ASTN2: variants seen among roughly 807,000 people sequenced by gnomAD.
ASTN2 encodes the protein astrotactin-2.
A neutral mutation model predicts 139.8 loss-of-function variants in ASTN2; 54 were observed. The observed-to-expected ratio is 0.39, with a 90% CI of 0.31 to 0.48. The LOEUF is 0.48. Among genes scored for constraint, ASTN2 ranks in the 20% least tolerant of loss-of-function variants. The pLI is 0.95. For synonymous variants in ASTN2, 756 were observed against 719.5 expected (o/e 1.05, Z -0.81); for missense variants, 1,565 against 1,725.1 (o/e 0.91, Z 1.64).
At chr9:117,394,210 T>C (rs911679913) in intron 1 of ASTN2, among the ~76,000 whole-genome samples, 7 of 151,838 alleles carry the variant, frequency 4.6e-5, no homozygotes, top group African/African-American at 1.7e-4. Flanking sequence ...AAGGCAAGAG[T>C]CCTTCCATCC....
At chr9:117,047,896 C>T (rs1293934377) in intron 5 of ASTN2, among the ~76,000 whole-genome samples, 3 of 152,058 alleles carry the variant, frequency 2.0e-5, no homozygotes, top group Non-Finnish European at 4.4e-5. Flanking sequence ...AGTAACATAG[C>T]CACTAACTTA....
intron 6 of ASTN2, among the ~76,000 whole-genome samples, chr9:117,021,383 G>A (rs1303518379): frequency 6.6e-6 from 1 of 152,116 alleles, no homozygotes; most frequent in Non-Finnish European, 1.5e-5. Flanking sequence ...ATCTGGAAGA[G>A]CACAGCTAAA....
At chr9:116,471,457 C>T (rs1349848196) in intron 20 of ASTN2, among the ~76,000 whole-genome samples, 2 of 152,192 alleles carry the variant, frequency 1.3e-5, no homozygotes, top group Non-Finnish European at 2.9e-5. Flanking sequence ...AGGCTGGCCT[C>T]ACACATGCTA....
intron 16 of ASTN2, among the ~76,000 whole-genome samples, chr9:116,694,252 AT>A (rs1860719665): frequency 6.6e-6 from 1 of 152,110 alleles, no homozygotes. Flanking sequence ...ATTTGCTGCT[AT>A]TTTTACAAGT....
intron 21 of ASTN2, among the ~76,000 whole-genome samples, chr9:116,441,888 T>C (rs1847850168): frequency 6.6e-6 from 1 of 152,218 alleles, no homozygotes; most frequent in Non-Finnish European, 1.5e-5. Context: ...TTGCCTGCTG[T>C]TTATGTCATG....
chr9:117,019,170 GAA>G, intron 6 of ASTN2, among the ~76,000 whole-genome samples: 1 of 151,730 alleles, frequency 6.6e-6, no homozygotes, highest in Non-Finnish European at 1.5e-5. Flanking sequence ...ATACCATGTT[GAA>G]AGAGAGGGAG....
chr9:116,452,360 A>T (rs1273164200), intron 20 of ASTN2, among the ~76,000 whole-genome samples: 1 of 152,202 alleles, frequency 6.6e-6, no homozygotes, highest in East Asian at 1.9e-4. Context: ...AGAGGATATG[A>T]TGTGTAGGTT....
intron 2 of ASTN2, among the ~76,000 whole-genome samples, chr9:117,229,856 T>C (rs1453856060): frequency 6.6e-6 from 1 of 152,026 alleles, no homozygotes; most frequent in African/African-American, 2.4e-5. Context: ...AAAGTCTTTA[T>C]TTCTGGCCAG....
rs1564279902 is a variant in ASTN2, at chr9:116,442,448, C to G, written c.3598+5G>C. On this transcript the variant is annotated splice_donor_5th_base_variant and intron_variant, in intron 21 of 22. Coordinates refer to ENST00000313400, the MANE Select transcript of ASTN2 (RefSeq NM_001365068.1). ...ACTTTGGAGTTGAAAAACTGGGTTA[C>G]CTACCTTCTGCCTTGTTGTCATCTA... 6.2e-7 allele frequency: 1 copy of G among 1,613,628 alleles called. No individual in the cohort carries two copies. Among genetic ancestry groups the G allele is most frequent in the Non-Finnish European group, 8.5e-7 (1 of 1,179,710 alleles).
At chr9:116,989,111 C>T (rs1159914504) in intron 7 of ASTN2, among the ~76,000 whole-genome samples, 1 of 152,172 alleles carries the variant, frequency 6.6e-6, no homozygotes, top group Non-Finnish European at 1.5e-5. Flanking sequence ...AAGGGTTCTT[C>T]ACTCCACAGA....
In ASTN2 at chr9:116,603,268, A is replaced by G. The variant is rs377607058; in HGVS notation, c.3355+15056T>C. 1.9e-4 allele frequency among the ~76,000 whole-genome samples: 29 copies of G among 152,326 alleles called. No individual in the cohort carries two copies. In the East Asian group the frequency reaches 3.5e-3, roughly 18 times the overall value. ...AAAAAGGAATGCTACCAAGCAAGAG[A>G]AAGTCCTAATGAGTTAAAAGGCACG... On this transcript the variant is annotated intron_variant, in intron 19 of 22. Coordinates refer to ENST00000313400, the MANE Select transcript of ASTN2 (RefSeq NM_001365068.1).
intron 19 of ASTN2, among the ~76,000 whole-genome samples, chr9:116,534,296 T>A (rs916902916): frequency 4.6e-5 from 7 of 152,176 alleles, no homozygotes; most frequent in Non-Finnish European, 2.9e-5. Flanking sequence ...ATTTTGTTGA[T>A]CTTTTCAAAA....
chr9:116,503,227 G>A (rs1849964503), intron 19 of ASTN2, among the ~76,000 whole-genome samples: 1 of 152,040 alleles, frequency 6.6e-6, no homozygotes, highest in Non-Finnish European at 1.5e-5. Flanking sequence ...CCAGCTAGAA[G>A]GGCATCTTCT....
chr9:116,957,654 C>T (rs146895378), intron 10 of ASTN2, among the ~76,000 whole-genome samples: 23 of 152,320 alleles, frequency 1.5e-4, no homozygotes, highest in Admixed American at 1.5e-3. Context: ...CATGTTTCCT[C>T]ATGATTAGAT....
chr9:117,020,341 CTT>C (rs138914234), intron 6 of ASTN2, among the ~76,000 whole-genome samples: 7,866 of 143,126 alleles, frequency 0.055, 501 homozygotes, highest in African/African-American at 0.16. Flanking sequence ...TGAAAAATTG[CTT>C]TTTTTTTTTT....
intron 19 of ASTN2, among the ~76,000 whole-genome samples, chr9:116,519,656 T>C (rs1850787838): frequency 6.6e-6 from 1 of 151,648 alleles, no homozygotes; most frequent in South Asian, 2.1e-4. Flanking sequence ...AAATAACGAA[T>C]ATCAGAGCAG....
intron 1 of ASTN2, among the ~76,000 whole-genome samples, chr9:117,408,016 G>A (rs1285689392): frequency 6.6e-6 from 1 of 152,180 alleles, no homozygotes; most frequent in Non-Finnish European, 1.5e-5. Flanking sequence ...TAGGGTGAGA[G>A]GCAGTGAGGC....
At chr9:116,450,919 T>G (rs1848155266) in intron 20 of ASTN2, among the ~76,000 whole-genome samples, 2 of 152,196 alleles carry the variant, frequency 1.3e-5, no homozygotes, top group South Asian at 4.1e-4. Flanking sequence ...GTTTCTACTT[T>G]CAAAACAACT....
At chr9:117,120,014 G>GTATATATATA (rs1470198393) in intron 4 of ASTN2, among the ~76,000 whole-genome samples, 14 of 35,324 alleles carry the variant, frequency 4.0e-4, no homozygotes, top group South Asian at 1.2e-3. Context: ...GTGTGTGTGT[G>GTATATATATA]TGTGTATATA....
Sources: gnomAD v4.1 joint callset for allele counts (sites outside exome capture counted in the v4.1 genomes callset) on GRCh38, gnomAD v4.1.1 for gene constraint, MANE v1.5 for transcripts, NCBI Gene and HGNC (gene_info 2026-07-23, HGNC 2026-07-21) for gene names.